FAM117A: variants seen among roughly 807,000 people sequenced by gnomAD.
FAM117A encodes protein FAM117A.
Under a neutral mutation model 44.1 loss-of-function variants are expected in FAM117A, and 21 were observed. The observed-to-expected ratio is 0.48, with a 90% CI of 0.34 to 0.69. The LOEUF (loss-of-function observed/expected upper bound fraction) is 0.69. FAM117A is among the 30% of genes least tolerant of loss of function. The probability of loss-of-function intolerance (pLI) is 0.01; values close to 1 mark genes in which losing one functional copy is unlikely to be tolerated. For missense variants in FAM117A, 498 were observed against 589.9 expected (o/e 0.84, Z 1.61); for synonymous variants, 220 against 238.3 (o/e 0.92, Z 0.71).
chr17:49,772,787 C>G (rs2143797999), intron 1 of FAM117A, among the ~76,000 whole-genome samples: 1 of 152,088 alleles, frequency 6.6e-6, no homozygotes, highest in East Asian at 1.9e-4. Flanking sequence ...GAAAATATAA[C>G]AGAAGAGATG....
At chr17:49,748,530 G>A (rs1286064281) in intron 1 of FAM117A, among the ~76,000 whole-genome samples, 1 of 152,142 alleles carries the variant, frequency 6.6e-6, no homozygotes, top group Non-Finnish European at 1.5e-5. Flanking sequence ...CTTCATCACT[G>A]CCTAAGGACA....
intron 1 of FAM117A, among the ~76,000 whole-genome samples, chr17:49,740,410 C>T (rs936609622): frequency 5.9e-5 from 9 of 152,036 alleles, no homozygotes; most frequent in East Asian, 1.9e-4. Context: ...CCACCGCGCC[C>T]GGCTAATTTT....
chr17:49,743,993 A>C (rs1211584777), intron 1 of FAM117A, among the ~76,000 whole-genome samples: 2 of 152,164 alleles, frequency 1.3e-5, no homozygotes, highest in African/African-American at 4.8e-5. Context: ...AAGTGAAAGA[A>C]GGAAAAGGAA....
upstream of FAM117A, among the ~76,000 whole-genome samples, chr17:49,767,422 C>G (rs1257949635): frequency 6.6e-6 from 1 of 152,212 alleles, no homozygotes; most frequent in African/African-American, 2.4e-5. Flanking sequence ...AGACACTGAG[C>G]TAGGCACTGA....
At chr17:49,724,453 A>G (rs779158252) in intron 2 of FAM117A, 1 of 456,308 alleles carries the variant, frequency 2.2e-6, no homozygotes, top group Non-Finnish European at 4.4e-6. Flanking sequence ...GGTACTACTA[A>G]TATCTCTTGC....
At chr17:49,753,554 G>T (rs925861082) in intron 1 of FAM117A, among the ~76,000 whole-genome samples, 1 of 152,190 alleles carries the variant, frequency 6.6e-6, no homozygotes. Flanking sequence ...GGTGGCTCAC[G>T]CCTGTAATCC....
intron 2 of FAM117A, among the ~76,000 whole-genome samples, chr17:49,724,050 T>C (rs61624879): frequency 0.025 from 3,802 of 152,206 alleles, 156 homozygotes; most frequent in African/African-American, 0.086. Context: ...TAAAGCCATA[T>C]ACTGGCTCTG....
At chr17:49,758,675 AAAT>A (rs2073710386) in intron 1 of FAM117A, among the ~76,000 whole-genome samples, 5 of 146,952 alleles carry the variant, frequency 3.4e-5, no homozygotes, top group African/African-American at 1.3e-4. Flanking sequence ...ATAAATAAAT[AAAT>A]AAAATAAAAG....
chr17:49,758,621 C>CAAAAA (rs1182238605), intron 1 of FAM117A, among the ~76,000 whole-genome samples: 6 of 93,850 alleles, frequency 6.4e-5, no homozygotes, highest in Admixed American at 4.9e-4. Flanking sequence ...GAGACTGTCT[C>CAAAAA]AAAAAAAAAA....
intron 1 of FAM117A, among the ~76,000 whole-genome samples, chr17:49,776,119 C>T (rs932768160): frequency 4.6e-5 from 7 of 152,126 alleles, no homozygotes; most frequent in South Asian, 2.1e-4. Flanking sequence ...GGCCATGTGC[C>T]CCTGCTTCAC....
At chr17:49,741,444 A>G (rs1004939655) in intron 1 of FAM117A, among the ~76,000 whole-genome samples, 4 of 152,152 alleles carry the variant, frequency 2.6e-5, no homozygotes, top group Non-Finnish European at 5.9e-5. Flanking sequence ...ACCAATCCTG[A>G]TCTCTCTCCA....
At chr17:49,744,654 T>A (rs2073647472) in intron 1 of FAM117A, among the ~76,000 whole-genome samples, 1 of 151,930 alleles carries the variant, frequency 6.6e-6, no homozygotes. Flanking sequence ...CTAGATTACT[T>A]ATAATACCTA....
chr17:49,763,167 C>T (rs986600666), intron 1 of FAM117A, among the ~76,000 whole-genome samples: 1 of 151,314 alleles, frequency 6.6e-6, no homozygotes, highest in African/African-American at 2.4e-5. Flanking sequence ...CACACACGCT[C>T]GTACACAAAC....
At chr17:49,775,651 C>A (rs2073773677) in intron 1 of FAM117A, among the ~76,000 whole-genome samples, 1 of 152,164 alleles carries the variant, frequency 6.6e-6, no homozygotes, top group African/African-American at 2.4e-5. Flanking sequence ...AGCGGAAGGG[C>A]CTGGAATGTT....
At chr17:49,731,703 AC>A (rs1219339405) in intron 2 of FAM117A, among the ~76,000 whole-genome samples, 1 of 152,206 alleles carries the variant, frequency 6.6e-6, no homozygotes, top group African/African-American at 2.4e-5. Context: ...GGCTCAGCAT[AC>A]TTTTTGGCCA....
At chr17:49,763,816 C>CG in intron 1 of FAM117A, 76 bp downstream of exon 1, 1 of 405,656 alleles carries the variant, frequency 2.5e-6, no homozygotes, top group Non-Finnish European at 3.6e-6. Flanking sequence ...CACTTCTCCC[C>CG]GTCCCCCTCC....
intron 1 of FAM117A, among the ~76,000 whole-genome samples, chr17:49,776,782 T>TC (rs1193107285): frequency 6.6e-6 from 1 of 152,030 alleles, no homozygotes; most frequent in African/African-American, 2.4e-5. Context: ...CTAAGACACT[T>TC]CAAGAGTGTG....
chr17:49,716,427 G>A (rs1411722264), intron 6 of FAM117A, 112 bp from the exon 7 acceptor site: 2 of 937,716 alleles, frequency 2.1e-6, no homozygotes, highest in Admixed American at 6.5e-5. Context: ...GTAAGGAAGA[G>A]GGTAGCGGGT....
intron 4 of FAM117A, 21 bp downstream of exon 4, chr17:49,720,305 G>A (rs950711948): frequency 1.9e-6 from 3 of 1,590,944 alleles, no homozygotes; most frequent in Non-Finnish European, 2.6e-6. Flanking sequence ...AGAGGGGAGA[G>A]GGCTGGGGGA....
Sources: allele counts gnomAD v4.1 joint callset (sites outside exome capture counted in the v4.1 genomes callset), GRCh38; gene constraint gnomAD v4.1.1; transcripts MANE v1.5; gene names NCBI Gene and HGNC (gene_info 2026-07-23, HGNC 2026-07-21).